Variants in PTK2B observed in about 807,000 individuals in gnomAD.
PTK2B encodes protein tyrosine kinase 2 beta.
A neutral mutation model predicts 142.9 loss-of-function variants in PTK2B; 71 were observed. The observed-to-expected ratio is 0.50, with a 90% CI of 0.41 to 0.61. The LOEUF is 0.61. PTK2B is among the 20% of genes least tolerant of loss of function. The pLI, the probability that PTK2B is intolerant of heterozygous loss-of-function variation, is 0.00. For synonymous variants in PTK2B, 519 were observed against 503.4 expected, an observed-to-expected ratio of 1.03 and a Z score of -0.42; for missense variants, 1,105 against 1,320.4, an observed-to-expected ratio of 0.84 and a Z score of 2.53.
chr8:27,411,899 T>C (rs976175), intron 2 of PTK2B, among the ~76,000 whole-genome samples: 58,465 of 152,062 alleles, frequency 0.38, 11,656 homozygotes, highest in Middle Eastern at 0.51. Flanking sequence ...TGGGGGTTTC[T>C]GCTATCCCAG....
At chr8:27,422,413 G>T (rs374228058) in intron 5 of PTK2B, 30 bp downstream of exon 5, 109 of 1,581,602 alleles carry the variant, frequency 6.9e-5, no homozygotes, top group Non-Finnish European at 9.0e-5. Flanking sequence ...CTGCTGGGAG[G>T]GCGCTGTGCT....
chr8:27,391,930 A>G (rs897212464), intron 1 of PTK2B, among the ~76,000 whole-genome samples: 2 of 152,120 alleles, frequency 1.3e-5, no homozygotes, highest in Non-Finnish European at 2.9e-5. Flanking sequence ...CAGGGTTTTC[A>G]CTGGTGCCAC....
chr8:27,411,744 A>G (rs1809078492), intron 2 of PTK2B, among the ~76,000 whole-genome samples: 1 of 152,208 alleles, frequency 6.6e-6, no homozygotes, highest in African/African-American at 2.4e-5. Context: ...TTTGCAAGGC[A>G]GTCCTGTCAC....
chr8:27,333,217 G>T (rs1228754006), intron 1 of PTK2B, among the ~76,000 whole-genome samples: 1 of 152,192 alleles, frequency 6.6e-6, no homozygotes, highest in Non-Finnish European at 1.5e-5. Flanking sequence ...CTCATTTTGG[G>T]TGGAACCAAG....
At position 27,445,691 on chromosome 8, in the gene PTK2B, G is replaced by C; in HGVS notation, c.2215-103G>C. The C allele has an allele frequency of 9.2e-6, 14 of 1,520,476 alleles. 1 individual carries two copies. In the South Asian group the frequency reaches 1.6e-4, roughly 17 times the overall value. The allele number at this position is 1,520,476 out of a possible 1,614,324, so 94.2% of individuals were successfully genotyped here. On this transcript the variant is annotated intron_variant, in intron 23 of 30. Coordinates refer to ENST00000346049, the MANE Select transcript of PTK2B (RefSeq NM_173176.3). ...TCCTGGAGAGCAAGCCCCATTCCCT[G>C]TGGTGCTCATGCATAGTTTCTTTGT...
chr8:27,437,102 T>TG lies in PTK2B; in HGVS notation c.1342-19dup, dbSNP rs780056482. On this transcript the variant is annotated intron_variant, in intron 15 of 30. Transcript: ENST00000346049. Reference sequence around the variant, plus strand: ...AGCACTGGGCTGGACCAAGGGGTCCTGAACACACTCTTGTTACAGAAAGGG... The same window carrying TG: ...AGCACTGGGCTGGACCAAGGGGTCCTGGAACACACTCTTGTTACAGAAAGGG... 1 of 1,608,284 alleles carries TG rather than the reference T, an allele frequency of 6.2e-7. No homozygotes were observed. Among genetic ancestry groups the TG allele is most frequent in the South Asian group, 1.1e-5 (1 of 90,942 alleles).
chr8:27,313,069 A>G (rs1041003319), intron 2 of PTK2B: 1 of 152,202 alleles, frequency 6.6e-6, no homozygotes, highest in Non-Finnish European at 1.5e-5. Flanking sequence ...CAAGGGAGAG[A>G]CCAGGTGGAG....
At chr8:27,314,351 A>G (rs902371807) in intron 3 of PTK2B, among the ~76,000 whole-genome samples, 2 of 152,194 alleles carry the variant, frequency 1.3e-5, no homozygotes, top group Admixed American at 1.3e-4. Flanking sequence ...GCACTTTGGG[A>G]GGTCGAAGAA....
rs113362468 is a variant in PTK2B, at chr8:27,333,262, G to A, written c.-38+7581G>A. On this transcript the variant is annotated intron_variant, in intron 1 of 30. Coordinates refer to ENST00000346049, the MANE Select transcript of PTK2B (RefSeq NM_173176.3). ...AGGCAATCAGAGTTGGGGGTGGAAC[G>A]GAAGATAAGGCTTGGACAGGGAGGC... Among the ~76,000 whole-genome samples, 441 of 152,314 alleles carry A rather than the reference G, an allele frequency of 2.9e-3. 6 individuals carry two copies. The highest frequency in any genetic ancestry group is 0.01 in the Middle Eastern group (3 of 294).
upstream of PTK2B, chr8:27,323,390 C>T (rs1380273744): frequency 1.3e-5 from 2 of 152,334 alleles, no homozygotes; most frequent in Non-Finnish European, 2.9e-5. Context: ...TGTTCAAAGG[C>T]CTTTTTCATT....
intron 14 of PTK2B, 149 bp downstream of exon 14, chr8:27,435,942 G>T: frequency 9.4e-7 from 1 of 1,059,884 alleles, no homozygotes; most frequent in Non-Finnish European, 1.4e-6. Flanking sequence ...GAGATGCCTT[G>T]GATTTGAAAG....
chr8:27,439,898 G>C (rs879830307), intron 20 of PTK2B, among the ~76,000 whole-genome samples: 5 of 152,144 alleles, frequency 3.3e-5, no homozygotes, highest in Non-Finnish European at 5.9e-5. Flanking sequence ...ACCAAGTGTT[G>C]GTGCGAGGCT....
At chr8:27,333,439 C>T (rs763193386) in intron 1 of PTK2B, among the ~76,000 whole-genome samples, 2 of 152,150 alleles carry the variant, frequency 1.3e-5, no homozygotes, top group Non-Finnish European at 2.9e-5. Context: ...AGCTTGAATT[C>T]GCAAGGGAGC....
intron 23 of PTK2B, 151 bp downstream of exon 23, chr8:27,444,422 C>G: frequency 1.2e-6 from 1 of 816,790 alleles, no homozygotes. Flanking sequence ...GAACAGAATG[C>G]AGACTCAGAT....
rs117487908 is a variant in PTK2B, at chr8:27,371,045, G to A, written c.-37-26503G>A. 5.4e-3 allele frequency among the ~76,000 whole-genome samples: 817 copies of A among 152,078 alleles called. 10 individuals carry two copies. The highest frequency in any genetic ancestry group is 0.037 in the East Asian group (194 of 5,178). ...CAAGAAGATGGGGCTACAGGTGCTC[G>A]CCACCACACCTAGCTAATTTTTATA... is the stretch of plus-strand genomic sequence containing the variant. On this transcript the variant is annotated intron_variant, in intron 1 of 30. Coordinates refer to ENST00000346049, the MANE Select transcript of PTK2B (RefSeq NM_173176.3).
Position 27,333,376 on chromosome 8 carries a change from G to A in PTK2B, c.-38+7695G>A, listed in dbSNP as rs141957283. 6.3e-3 allele frequency among the ~76,000 whole-genome samples: 952 copies of A among 152,318 alleles called. 6 individuals are homozygous for A. The highest frequency in any genetic ancestry group is 0.017 in the Admixed American group (263 of 15,300). On this transcript the variant is annotated intron_variant, in intron 1 of 30. Coordinates refer to ENST00000346049, the MANE Select transcript of PTK2B (RefSeq NM_173176.3). ...AGGAGCTGTTGACCATGCTGACTTC[G>A]GTGGAGGTGCGAGGGTCAGATTCTG...
chr8:27,445,797 C>G lies in PTK2B; in HGVS notation c.2218C>G (p.Pro740Ala). Reference protein sequence around the residue: ...LLAPKLQFQVPEGLCASSPTL... With the variant: ...LLAPKLQFQVAEGLCASSPTL... ...CTTCTTTGCTTTTCCTGAATAGGTT[C>G]CTGAGGGTCTGTGTGCCAGCTCTCC... is the stretch of plus-strand genomic sequence containing the variant. The change falls in exon 24 of 31, where the codon CCT (proline) becomes GCT (alanine). Residue 740 changes from proline to alanine, a missense_variant. Pro to Ala is a conservative substitution (Grantham distance 27). Transcript: ENST00000346049. 1.2e-6 allele frequency: 2 copies of G among 1,613,780 alleles called. No homozygotes were observed. The highest frequency in any genetic ancestry group is 1.7e-5 in the Admixed American group (1 of 60,028).
chr8:27,331,473 T>G (rs943579578), intron 1 of PTK2B, among the ~76,000 whole-genome samples: 3 of 70,416 alleles, frequency 4.3e-5, no homozygotes, highest in Non-Finnish European at 1.3e-4. Flanking sequence ...TTTTTTTTCT[T>G]TTCTTTTTTT....
At chr8:27,430,698 G>A (rs373783081) in intron 7 of PTK2B, among the ~76,000 whole-genome samples, 178 bp from the exon 8 acceptor site, 4 of 152,312 alleles carry the variant, frequency 2.6e-5, no homozygotes, top group South Asian at 4.1e-4. Flanking sequence ...GTAGGGTTAC[G>A]GGGAGTCTCC....
Sources: gnomAD v4.1 joint callset for allele counts (sites outside exome capture counted in the v4.1 genomes callset) on GRCh38, gnomAD v4.1.1 for gene constraint, MANE v1.5 for transcripts, NCBI Gene and HGNC (gene_info 2026-07-23, HGNC 2026-07-21) for gene names.